Variants in ZNF710 observed in about 807,000 individuals in gnomAD.
The protein encoded by ZNF710 is zinc finger protein 710.
Under a neutral mutation model 50.6 loss-of-function variants are expected in ZNF710, and 13 were observed. That is an observed-to-expected ratio of 0.26 (90% CI 0.17 to 0.41). The LOEUF (loss-of-function observed/expected upper bound fraction) is 0.41, where lower values mean the gene tolerates loss of function less well. Ranked by LOEUF, ZNF710 falls within the 10% of genes least tolerant of loss-of-function variation. The pLI is 1.00. For missense variants in ZNF710, 721 were observed against 936.6 expected (o/e 0.77, Z 3.01); for synonymous variants, 383 against 397.0 (o/e 0.96, Z 0.42).
chr15:90,034,739 G>T lies in ZNF710; in HGVS notation c.-28-32371G>T, dbSNP rs546253973. On this transcript the variant is annotated intron_variant, in intron 1 of 4. Coordinates refer to ENST00000268154, the MANE Select transcript of ZNF710 (RefSeq NM_198526.4). This position sits in a 1 kb window ranked among gnomAD's most constrained non-coding sequence, Gnocchi z 4.0. ...CTTCTGAGCCTTCTTTGTTCTGGCCGTGGGTGGGGCACCCGGCTCCACCTG... is the reference window on the plus strand; with the variant it reads ...CTTCTGAGCCTTCTTTGTTCTGGCCTTGGGTGGGGCACCCGGCTCCACCTG... 6.6e-6 allele frequency among the ~76,000 whole-genome samples: 1 copy of T among 152,188 alleles called. No homozygotes were observed. The highest frequency in any genetic ancestry group is 1.5e-5 in the Non-Finnish European group (1 of 68,038).
At chr15:90,026,600 T>G (rs1410139484) in intron 1 of ZNF710, among the ~76,000 whole-genome samples, 2 of 152,038 alleles carry the variant, frequency 1.3e-5, no homozygotes, top group Non-Finnish European at 2.9e-5. Context: ...AGCCTGATAT[T>G]AAACATGGCA....
intron 1 of ZNF710, among the ~76,000 whole-genome samples, chr15:90,019,352 G>C (rs1328582605): frequency 2.0e-5 from 3 of 151,978 alleles, no homozygotes; most frequent in South Asian, 4.2e-4. Context: ...TGTTTCCTCT[G>C]TTTCTGTCTT....
At chr15:90,030,720 A>T (rs1485067958) in intron 1 of ZNF710, among the ~76,000 whole-genome samples, 3 of 145,270 alleles carry the variant, frequency 2.1e-5, no homozygotes, top group African/African-American at 7.5e-5. Context: ...ATTTCAAATT[A>T]AAAAAAAAAA....
rs541484083 is a variant in ZNF710, at chr15:90,068,220, G to C, written c.1083G>C (p.Thr361=). 5.0e-6 allele frequency: 8 copies of C among 1,613,670 alleles called. No individual in the cohort carries two copies. The African/African-American group carries it at 8.0e-5, about 16-fold the overall frequency. The change falls in exon 2 of 5, where the codon ACG becomes ACC. Residue 361 remains threonine (T), a synonymous_variant. Transcript: ENST00000268154. The surrounding 1 kb of genome is among the most constrained non-coding windows in gnomAD (Gnocchi z 5.0). ...HKCQVCHKAF[T]QTSHLKRHML... ...GCCAGGTATGCCACAAGGCCTTCAC[G>C]CAGACCAGCCACCTCAAGCGCCACA...
In ZNF710 at chr15:90,065,856, A is replaced by G. The variant is rs1264756351; in HGVS notation, c.-28-1254A>G. On this transcript the variant is annotated intron_variant, in intron 1 of 4. Coordinates refer to ENST00000268154, the MANE Select transcript of ZNF710 (RefSeq NM_198526.4). ...CTGGAGGTTGAGACAGGAGTGAGCC[A>G]TGATTGTGTCACAGTAGCCTGGGCA... Among the ~76,000 whole-genome samples the G allele has an allele frequency of 2.6e-5, 4 of 152,190 alleles. No homozygotes were observed. The East Asian group carries it at 7.7e-4, about 29-fold the overall frequency.
rs1374525283 is a variant in ZNF710 at position 90,062,211 on chromosome 15, C to CCT, written c.-28-4895_-28-4894dup. Among the ~76,000 whole-genome samples, 1 of 147,722 alleles carries CCT rather than the reference C, an allele frequency of 6.8e-6. No individual in the cohort carries two copies. Among genetic ancestry groups the CCT allele is most frequent in the Non-Finnish European group, 1.5e-5 (1 of 66,910 alleles). On this transcript the variant is annotated intron_variant, in intron 1 of 4. Coordinates refer to ENST00000268154, the MANE Select transcript of ZNF710 (RefSeq NM_198526.4). This position sits in a 1 kb window ranked among gnomAD's most constrained non-coding sequence, Gnocchi z 5.6. ...TCCCTGTCTCTTCATTTCTTCTCTCCCTCTCCCTTTCTCTCTCTCTCTCTC... is the reference window on the plus strand; with the variant it reads ...TCCCTGTCTCTTCATTTCTTCTCTCCCTCTCTCCCTTTCTCTCTCTCTCTCTC...
At chr15:90,008,454 G>GTATATATA (rs1378957319) in intron 1 of ZNF710, among the ~76,000 whole-genome samples, 5 of 124,970 alleles carry the variant, frequency 4.0e-5, no homozygotes, top group African/African-American at 1.9e-4. Context: ...ATATATATAT[G>GTATATATA]TATATATATA....
chr15:90,074,918 C>T (rs765135184), intron 4 of ZNF710: 11 of 230,210 alleles, frequency 4.8e-5, no homozygotes, highest in African/African-American at 2.1e-4. Context: ...AAGTGCCTGC[C>T]AGAGACTATA....
chr15:90,007,776 C>CT (rs990197674), intron 1 of ZNF710, among the ~76,000 whole-genome samples: 1 of 151,500 alleles, frequency 6.6e-6, no homozygotes, highest in African/African-American at 2.4e-5. Context: ...GGGGCGAGCT[C>CT]TTTTTTGGTA....
intron 4 of ZNF710, among the ~76,000 whole-genome samples, chr15:90,077,847 T>G (rs1596067438): frequency 6.6e-6 from 1 of 152,074 alleles, no homozygotes; most frequent in African/African-American, 2.4e-5. Flanking sequence ...AGTTTGAGGC[T>G]GCAGTGAGCC....
intron 1 of ZNF710, chr15:90,025,392 A>T (rs1321414477): frequency 6.6e-6 from 1 of 152,224 alleles, no homozygotes; most frequent in Non-Finnish European, 1.5e-5. Flanking sequence ...TATTATTAAA[A>T]TAGTCAACCT....
At position 90,016,203 on chromosome 15, in the gene ZNF710, G is replaced by A. The variant is rs112355812; in HGVS notation, c.-29+14589G>A. 1.7e-3 allele frequency among the ~76,000 whole-genome samples: 252 copies of A among 152,214 alleles called. 2 individuals carry two copies. Among genetic ancestry groups the A allele is most frequent in the African/African-American group, 5.5e-3 (230 of 41,514 alleles). ...TGGGTAGAAAGAAAGGAGGGTAGGC[G>A]GAGGTGGGGAAGAAGTCTTTCACCT... On this transcript the variant is annotated intron_variant, in intron 1 of 4. Transcript: ENST00000268154.
At chr15:90,044,054 C>T (rs1375336541) in intron 1 of ZNF710, among the ~76,000 whole-genome samples, 1 of 152,142 alleles carries the variant, frequency 6.6e-6, no homozygotes, top group Non-Finnish European at 1.5e-5. Flanking sequence ...CTCCATTGCT[C>T]TAAATGTGTA....
chr15:90,079,898 C>A lies in ZNF710; in HGVS notation c.*69C>A. The A allele has an allele frequency of 7.1e-7, 1 of 1,399,048 alleles. No individual in the cohort carries two copies. Among genetic ancestry groups the A allele is most frequent in the Non-Finnish European group, 9.5e-7 (1 of 1,051,088 alleles). The allele number at this position is 1,399,048 out of a possible 1,614,324, so 86.7% of individuals were successfully genotyped here. A position where few individuals can be genotyped will look rare whatever the true frequency, so the allele number is the denominator to read the frequency against. ...GGGGGTGAGACCCATGGGCTGCAGG[C>A]TGCACCTCCTGCAGCCGAGAAACAA... is the stretch of plus-strand genomic sequence containing the variant. On this transcript the variant is annotated 3_prime_UTR_variant, in exon 5 of 5. Transcript: ENST00000268154.
chr15:90,065,441 C>T (rs1278073174), intron 1 of ZNF710, among the ~76,000 whole-genome samples: 3 of 152,234 alleles, frequency 2.0e-5, no homozygotes, highest in South Asian at 2.1e-4. Context: ...GAGGAGGTCG[C>T]CACTGCCTGG....
intron 1 of ZNF710, among the ~76,000 whole-genome samples, chr15:90,063,935 C>T (rs146441646): frequency 1.2e-3 from 183 of 152,238 alleles, no homozygotes; most frequent in African/African-American, 4.3e-3. Context: ...GAGCCTCTTC[C>T]CCCCCATAGA....
chr15:90,030,704 A>T (rs1470497685), intron 1 of ZNF710, among the ~76,000 whole-genome samples: 1 of 151,430 alleles, frequency 6.6e-6, no homozygotes, highest in Non-Finnish European at 1.5e-5. Context: ...TGCTGCAGAG[A>T]GGGTCATTTC....
chr15:90,058,721 A>ATATATAGATATATATATATGTATG (rs1567236953), intron 1 of ZNF710, among the ~76,000 whole-genome samples: 1 of 144,576 alleles, frequency 6.9e-6, no homozygotes, highest in African/African-American at 2.9e-5. Context: ...ATATATATAC[A>ATATATAGATATATATATATGTATG]CACATATACA....
intron 1 of ZNF710, among the ~76,000 whole-genome samples, chr15:90,054,268 C>T (rs757501871): frequency 3.3e-5 from 5 of 151,828 alleles, no homozygotes; most frequent in Non-Finnish European, 5.9e-5. Context: ...CCACGGAAAC[C>T]GAAGGAGGGG....
Sources: gnomAD v4.1 joint callset for allele counts (sites outside exome capture counted in the v4.1 genomes callset) on GRCh38, gnomAD v4.1.1 for gene constraint, Gnocchi (gnomAD v3.1) non-coding constraint, MANE v1.5 for transcripts, NCBI Gene and HGNC (gene_info 2026-07-23, HGNC 2026-07-21) for gene names.